Variants in GALNT13 observed in about 807,000 individuals in gnomAD.
GALNT13 encodes the protein polypeptide N-acetylgalactosaminyltransferase 13.
GALNT13 carries 28 observed loss-of-function variants against 64.2 expected under a neutral mutation model. That is an observed-to-expected ratio of 0.44 (90% CI 0.32 to 0.60). GALNT13 has a LOEUF of 0.60. Among genes scored for constraint, GALNT13 ranks in the 20% least tolerant of loss-of-function variants. The pLI is 0.05. For synonymous variants in GALNT13, 214 were observed against 224.6 expected (o/e 0.95, Z 0.42); for missense variants, 577 against 669.8 (o/e 0.86, Z 1.53).
the GALNT13 span, chr2:153,478,342 A>G: frequency 6.2e-7 from 1 of 1,614,032 alleles, no homozygotes; most frequent in Non-Finnish European, 8.5e-7. Context: ...GCAGCCGAGG[A>G]AGAAGATGCC....
chr2:153,981,007 A>G (rs548525838), intron 3 of GALNT13, among the ~76,000 whole-genome samples: 1 of 152,144 alleles, frequency 6.6e-6, no homozygotes. Flanking sequence ...ATTTTAAAAT[A>G]TCTTTATTCA....
chr2:153,152,038 G>A, the GALNT13 span, among the ~76,000 whole-genome samples: 24 of 151,962 alleles, frequency 1.6e-4, no homozygotes, highest in South Asian at 2.3e-3. Context: ...GAATGGAGCG[G>A]GTCTAGCTTA....
At chr2:153,311,389 AG>A in the GALNT13 span, among the ~76,000 whole-genome samples, 2 of 152,234 alleles carry the variant, frequency 1.3e-5, no homozygotes, top group African/African-American at 4.8e-5. Flanking sequence ...CTGCATGTTA[AG>A]AAAGTGTATC....
chr2:153,791,464 T>G, the GALNT13 span, among the ~76,000 whole-genome samples: 1 of 152,168 alleles, frequency 6.6e-6, no homozygotes, highest in Non-Finnish European at 1.5e-5. Context: ...AAGGGAATGC[T>G]TATACATGTT....
At chr2:153,757,315 C>T in the GALNT13 span, among the ~76,000 whole-genome samples, 2 of 152,106 alleles carry the variant, frequency 1.3e-5, no homozygotes, top group Non-Finnish European at 2.9e-5. Context: ...TAATGTCCTC[C>T]ACACTCATAT....
the GALNT13 span, among the ~76,000 whole-genome samples, chr2:153,531,356 G>A: frequency 6.6e-6 from 1 of 152,176 alleles, no homozygotes; most frequent in Non-Finnish European, 1.5e-5. Context: ...TAGGAGAGAG[G>A]GGGAGATGCC....
the GALNT13 span, among the ~76,000 whole-genome samples, chr2:153,710,804 C>A: frequency 1.3e-5 from 2 of 151,980 alleles, no homozygotes; most frequent in Non-Finnish European, 2.9e-5. Context: ...GTCATTGATA[C>A]TACCTAGTTG....
the GALNT13 span, among the ~76,000 whole-genome samples, chr2:153,639,602 G>A: frequency 3.9e-5 from 6 of 152,276 alleles, no homozygotes; most frequent in East Asian, 9.7e-4. Flanking sequence ...TCAAAGGTAG[G>A]ATAATGTAGG....
the GALNT13 span, among the ~76,000 whole-genome samples, chr2:153,322,382 A>G: frequency 6.6e-6 from 1 of 152,102 alleles, no homozygotes; most frequent in African/African-American, 2.4e-5. Context: ...CGTGGCATAT[A>G]TGTATCATGT....
chr2:154,016,567 G>A lies in GALNT13; in HGVS notation c.142+71928G>A, dbSNP rs146294617. Among the ~76,000 whole-genome samples the A allele has an allele frequency of 3.5e-3, 530 of 152,124 alleles. 4 individuals are homozygous for A. Among genetic ancestry groups the A allele is most frequent in the African/African-American group, 0.012 (496 of 41,496 alleles). On this transcript the variant is annotated intron_variant, in intron 3 of 12. Transcript: ENST00000392825. ...CCAGTAGGTGGGACTACAGTCATGCGCCACCATGCCTGGCTAACTTCTGAA... is the reference window on the plus strand; with the variant it reads ...CCAGTAGGTGGGACTACAGTCATGCACCACCATGCCTGGCTAACTTCTGAA...
At chr2:153,089,033 T>C in the GALNT13 span, among the ~76,000 whole-genome samples, 5 of 152,186 alleles carry the variant, frequency 3.3e-5, no homozygotes, top group African/African-American at 9.6e-5. Context: ...CTTAATACCT[T>C]GGGTTTTTTC....
At chr2:153,925,410 A>G (rs917331809) in intron 2 of GALNT13, among the ~76,000 whole-genome samples, 1 of 149,020 alleles carries the variant, frequency 6.7e-6, no homozygotes, top group East Asian at 2.0e-4. Context: ...CCATTGGTCT[A>G]TGTGTCTGTT....
At chr2:153,183,232 T>C in the GALNT13 span, among the ~76,000 whole-genome samples, 8 of 152,232 alleles carry the variant, frequency 5.3e-5, no homozygotes, top group Non-Finnish European at 1.2e-4. Context: ...TGATCCATAA[T>C]GTTAAACTTT....
the GALNT13 span, among the ~76,000 whole-genome samples, chr2:153,606,891 C>T: frequency 2.0e-5 from 3 of 148,056 alleles, no homozygotes; most frequent in African/African-American, 7.5e-5. Context: ...TTCGTGGACA[C>T]TTTCCTCTGT....
chr2:153,560,585 G>A, the GALNT13 span, among the ~76,000 whole-genome samples: 35,889 of 151,756 alleles, frequency 0.24, 4,483 homozygotes, highest in East Asian at 0.36. Flanking sequence ...ATTTATTAAA[G>A]ATTTATTTCT....
At chr2:153,635,441 C>CACATATATATATATATATATAT in the GALNT13 span, among the ~76,000 whole-genome samples, 3 of 129,852 alleles carry the variant, frequency 2.3e-5, no homozygotes, top group Admixed American at 7.7e-5. Flanking sequence ...TATATATATA[C>CACATATATATATATATATATAT]ACACATATAT....
intron 1 of GALNT13, among the ~76,000 whole-genome samples, chr2:153,874,108 T>G (rs1484706712): frequency 2.0e-5 from 3 of 150,386 alleles, no homozygotes; most frequent in Non-Finnish European, 4.4e-5. Flanking sequence ...TCTCTGTTTT[T>G]TTTTTTTTTT....
the GALNT13 span, among the ~76,000 whole-genome samples, chr2:153,125,253 A>C: frequency 6.6e-6 from 1 of 152,216 alleles, no homozygotes; most frequent in African/African-American, 2.4e-5. Context: ...TCTGGTTTCC[A>C]GGCCAGTATT....
intron 1 of GALNT13, among the ~76,000 whole-genome samples, chr2:153,889,261 T>C (rs1462323011): frequency 6.6e-6 from 1 of 151,886 alleles, no homozygotes; most frequent in Non-Finnish European, 1.5e-5. Context: ...CTCTAGAGTT[T>C]ATTTTGACCT....
Sources: gnomAD v4.1 joint callset for allele counts (sites outside exome capture counted in the v4.1 genomes callset) on GRCh38, gnomAD v4.1.1 for gene constraint, MANE v1.5 for transcripts, NCBI Gene and HGNC (gene_info 2026-07-23, HGNC 2026-07-21) for gene names.